The following NCAPD2 variants were observed in gnomAD, a reference collection of about 807,000 sequenced individuals.
NCAPD2 encodes the protein non-SMC condensin I complex subunit D2.
A neutral mutation model predicts 164.5 loss-of-function variants in NCAPD2; 100 were observed. That is an observed-to-expected ratio of 0.61 (90% confidence interval 0.52 to 0.72). The LOEUF (loss-of-function observed/expected upper bound fraction) is 0.72, where lower values mean the gene tolerates loss of function less well. Ranked by LOEUF, NCAPD2 falls within the 30% of genes least tolerant of loss-of-function variation. The pLI is 0.00. For synonymous variants in NCAPD2, 585 were observed against 642.6 expected, an observed-to-expected ratio of 0.91 and a Z score of 1.36; for missense variants, 1,560 against 1,749.2, an observed-to-expected ratio of 0.89 and a Z score of 1.93.
intron 6 of NCAPD2, among the ~76,000 whole-genome samples, chr12:6,511,771 C>T (rs1016070933): frequency 6.7e-6 from 1 of 149,164 alleles, no homozygotes; most frequent in Non-Finnish European, 1.5e-5. Flanking sequence ...CACCTGAGGT[C>T]AGGAGTTCAA....
intron 22 of NCAPD2, 26 bp from the exon 23 acceptor site, chr12:6,527,751 A>G: frequency 6.3e-7 from 1 of 1,588,842 alleles, no homozygotes; most frequent in South Asian, 1.1e-5. Context: ...CTGCTTATCC[A>G]TGATCCCCAA....
At chr12:6,510,354 A>C (rs768283922) in intron 4 of NCAPD2, 1 of 784,190 alleles carries the variant, frequency 1.3e-6, no homozygotes, top group Admixed American at 1.7e-5. Flanking sequence ...GCAGACCAAC[A>C]AGAACTTTTT....
At chr12:6,512,423 T>C (rs1011047015) in intron 6 of NCAPD2, among the ~76,000 whole-genome samples, 2 of 151,908 alleles carry the variant, frequency 1.3e-5, no homozygotes, top group Admixed American at 1.3e-4. Context: ...TGTGGAGGAA[T>C]AGCAAGGGCA....
chr12:6,502,228 A>T (rs1946045047), intron 2 of NCAPD2, among the ~76,000 whole-genome samples: 1 of 151,396 alleles, frequency 6.6e-6, no homozygotes, highest in Non-Finnish European at 1.5e-5. Context: ...AAAAAGGCAG[A>T]GTGTATGTAT....
chr12:6,530,250 A>G (rs1946358954), intron 29 of NCAPD2, among the ~76,000 whole-genome samples: 1 of 152,242 alleles, frequency 6.6e-6, no homozygotes, highest in African/African-American at 2.4e-5. Context: ...AGCAGAAAGT[A>G]CAGGGAGTTC....
At position 6,528,045 on chromosome 12, in the gene NCAPD2, C is replaced by T; in HGVS notation, c.3097C>T (p.Leu1033Phe). 6.2e-7 allele frequency: 1 copy of T among 1,614,266 alleles called. No individual in the cohort carries two copies. Among genetic ancestry groups the T allele is most frequent in the Non-Finnish European group, 8.5e-7 (1 of 1,180,054 alleles). The part of the protein sequence containing the change: ...NNPGLYSNPD[L>F]SAAASLALGK... Reference sequence around the variant, plus strand: ...CCCAGGCCTCTATAGCAACCCAGACCTCTCTGCAGCTGCTTCACTTGCCCT... The same window carrying T: ...CCCAGGCCTCTATAGCAACCCAGACTTCTCTGCAGCTGCTTCACTTGCCCT... Residue 1033 changes from leucine to phenylalanine, a missense_variant, in exon 24 of 32, where the codon CTC (leucine) becomes TTC (phenylalanine). Transcript: ENST00000315579. The surrounding 1 kb of genome is among the most constrained non-coding windows in gnomAD (Gnocchi z 5.1).
intron 2 of NCAPD2, among the ~76,000 whole-genome samples, chr12:6,501,213 AC>A (rs1478254128): frequency 7.6e-6 from 1 of 132,006 alleles, no homozygotes; most frequent in Non-Finnish European, 1.6e-5. Context: ...GGTGTGCACC[AC>A]CACGCCTGGC....
chr12:6,523,189 T>G (rs1249184899), intron 16 of NCAPD2, 73 bp from the exon 17 acceptor site: 1 of 1,511,058 alleles, frequency 6.6e-7, no homozygotes, highest in African/African-American at 1.4e-5. Context: ...TGTGGTGGGA[T>G]AGCCCTAATC....
In NCAPD2 at chr12:6,529,807, G is replaced by A. The variant is rs1382896370; in HGVS notation, c.3686G>A (p.Cys1229Tyr). The A allele has an allele frequency of 1.2e-6, 2 of 1,614,084 alleles. No homozygotes were observed. The highest frequency in any genetic ancestry group is 1.7e-6 in the Non-Finnish European group (2 of 1,179,944). Residue 1229 changes from cysteine to tyrosine, a missense_variant, in exon 29 of 32, where the codon TGT becomes TAT. Cys to Tyr is a radical substitution (Grantham distance 194). Coordinates refer to ENST00000315579, the MANE Select transcript of NCAPD2 (RefSeq NM_014865.4). ...TERQQRDLAY[C>Y]VSQLPLTERG... is the part of the protein sequence containing the mutation. ...CGGCAGCAGCGAGACCTGGCCTACT[G>A]TGTGTCACAGCTGCCCCTCACAGAG...
intron 9 of NCAPD2, among the ~76,000 whole-genome samples, chr12:6,516,580 G>A (rs1367994351): frequency 6.6e-6 from 1 of 152,208 alleles, no homozygotes; most frequent in Non-Finnish European, 1.5e-5. Context: ...TTTCAAATGT[G>A]TGTTGGTGAG....
chr12:6,521,753 G>A (rs1329113568), intron 14 of NCAPD2, 45 bp from the exon 15 acceptor site: 4 of 1,601,246 alleles, frequency 2.5e-6, no homozygotes, highest in Non-Finnish European at 2.6e-6. Context: ...GGATTCCCCT[G>A]TATCCCCTTG....
Position 6,514,292 on chromosome 12 carries a change from T to C in NCAPD2, c.615T>C (p.Leu205=), listed in dbSNP as rs1946179216. The C allele has an allele frequency of 6.2e-7, 1 of 1,614,196 alleles. No homozygotes were observed. The highest frequency in any genetic ancestry group is 8.5e-7 in the Non-Finnish European group (1 of 1,180,026). ...VSLVTGCCYR[L]LENPTINHQK... is the part of the protein sequence containing the mutation. ...TGGTTACTGGCTGTTGCTACCGCCT[T>C]CTGGAGAATCCCACCATTAATCACC... The change falls in exon 7 of 32, where the codon CTT becomes CTC. Residue 205 remains leucine, a synonymous_variant. Coordinates refer to ENST00000315579, the MANE Select transcript of NCAPD2 (RefSeq NM_014865.4).
chr12:6,513,465 T>C (rs1400887930), intron 6 of NCAPD2, among the ~76,000 whole-genome samples: 1 of 151,898 alleles, frequency 6.6e-6, no homozygotes, highest in Non-Finnish European at 1.5e-5. Context: ...CAGTGAGCCG[T>C]GATTGCACCA....
chr12:6,502,837 T>TTG (rs1555137141), intron 2 of NCAPD2, among the ~76,000 whole-genome samples: 4 of 149,604 alleles, frequency 2.7e-5, no homozygotes, highest in Admixed American at 1.3e-4. Context: ...CAAAGGTGTT[T>TTG]TTGTTGTTGT....
At chr12:6,502,837 TTTGTTG>T (rs3076196) in intron 2 of NCAPD2, among the ~76,000 whole-genome samples, 81 of 149,720 alleles carry the variant, frequency 5.4e-4, no homozygotes, top group Middle Eastern at 3.5e-3. Context: ...CAAAGGTGTT[TTTGTTG>T]TTGTTGTTGT....
At chr12:6,525,741 T>TG in intron 18 of NCAPD2, 25 bp downstream of exon 18, 4 of 1,610,314 alleles carry the variant, frequency 2.5e-6, no homozygotes, top group Non-Finnish European at 3.4e-6. Context: ...TAGCAGGCAA[T>TG]GGGGTGGGAG....
At chr12:6,518,525 T>TTTG (rs1946232536) in intron 13 of NCAPD2, among the ~76,000 whole-genome samples, 5 of 122,012 alleles carry the variant, frequency 4.1e-5, no homozygotes, top group African/African-American at 1.7e-4. Context: ...TTTTTTTTTT[T>TTTG]TTTTTTTTTG....
chr12:6,499,199 A>G (rs954557829), intron 2 of NCAPD2, among the ~76,000 whole-genome samples: 1 of 151,662 alleles, frequency 6.6e-6, no homozygotes, highest in African/African-American at 2.4e-5. Flanking sequence ...TCTCTGGAAT[A>G]TTTCTTTCTT....
intron 17 of NCAPD2, 115 bp downstream of exon 17, chr12:6,523,461 A>C: frequency 3.6e-6 from 3 of 838,746 alleles, no homozygotes; most frequent in Non-Finnish European, 5.4e-6. Flanking sequence ...GCAATGGCAC[A>C]ATCTTGGCTC....
Sources: gnomAD v4.1 joint callset for allele counts (sites outside exome capture counted in the v4.1 genomes callset) on GRCh38, gnomAD v4.1.1 for gene constraint, Gnocchi (gnomAD v3.1) non-coding constraint, MANE v1.5 for transcripts, NCBI Gene and HGNC (gene_info 2026-07-23, HGNC 2026-07-21) for gene names.